Variants in TBC1D1 observed in about 807,000 individuals in gnomAD.
TBC1D1 encodes the protein TBC1 domain family member 1.
TBC1D1 carries 89 observed loss-of-function variants against 125.6 expected under a neutral mutation model. The ratio of observed to expected loss-of-function variants is 0.71; its 90% CI spans 0.60 to 0.85. TBC1D1 has a LOEUF of 0.85. Ranked by LOEUF, TBC1D1 falls within the 40% of genes least tolerant of loss-of-function variation. The pLI is 0.00. For synonymous variants in TBC1D1, 565 were observed against 564.1 expected (o/e 1.00, Z -0.02); for missense variants, 1,377 against 1,469.2 (o/e 0.94, Z 1.03).
intron 2 of TBC1D1, among the ~76,000 whole-genome samples, chr4:37,985,313 T>C (rs778039873): frequency 4.6e-5 from 7 of 152,230 alleles, no homozygotes; most frequent in Non-Finnish European, 8.8e-5. Flanking sequence ...TTAAAATTTC[T>C]ATGATTTCTG....
At position 38,014,753 on chromosome 4, in the gene TBC1D1, C is replaced by G. The variant is rs372198887; in HGVS notation, c.662C>G (p.Pro221Arg). Residue 221 changes from proline (P) to arginine (R), a missense_variant, in exon 3 of 20, where the codon CCC (proline) becomes CGC (arginine). This residue lies in a region of TBC1D1 where 822 missense variants were observed against 824.6 expected (regional missense o/e 1.00). Transcript: ENST00000261439. The surrounding 1 kb of genome is among the most constrained non-coding windows in gnomAD (Gnocchi z 5.1). ...CGCCCCAACCCGCCCCATGCCGCGC[C>G]CACAGGGAGCCAGGAGCCTGTGCGC... 48 of 1,611,376 alleles carry G rather than the reference C, an allele frequency of 3.0e-5. No homozygotes were observed. Among genetic ancestry groups the G allele is most frequent in the Non-Finnish European group, 3.6e-5 (43 of 1,179,188 alleles).
chr4:38,077,981 A>G (rs1755889790), intron 12 of TBC1D1, among the ~76,000 whole-genome samples: 1 of 152,136 alleles, frequency 6.6e-6, no homozygotes, highest in Non-Finnish European at 1.5e-5. Flanking sequence ...GCGGGATGAA[A>G]GCAGACCAGA....
intron 2 of TBC1D1, chr4:37,960,518 T>C: frequency 6.2e-7 from 1 of 1,614,208 alleles, no homozygotes; most frequent in Non-Finnish European, 8.5e-7. Context: ...AGCTGGAGTC[T>C]AGACCTTCAA....
At chr4:37,923,584 C>T (rs1251736864) in intron 2 of TBC1D1, among the ~76,000 whole-genome samples, 1 of 152,084 alleles carries the variant, frequency 6.6e-6, no homozygotes, top group Non-Finnish European at 1.5e-5. Context: ...CAATGAAGTC[C>T]ACATGTATGT....
At chr4:37,991,849 A>G (rs910201357) in intron 2 of TBC1D1, among the ~76,000 whole-genome samples, 7 of 152,208 alleles carry the variant, frequency 4.6e-5, no homozygotes, top group African/African-American at 1.7e-4. Flanking sequence ...CCGAAAGTGA[A>G]TAAGGTGAGT....
At position 38,118,168 on chromosome 4, in the gene TBC1D1, C is replaced by T; in HGVS notation, c.2938C>T (p.Leu980=). ...CACCATGTTTGCCTCACAGTTCCCG[C>T]TGGGATTCGTAGCCAGAGTCTTTGG... is the stretch of plus-strand genomic sequence containing the variant. The change falls in exon 17 of 20, where the codon CTG becomes TTG. Residue 980 remains leucine, a synonymous_variant. Transcript: ENST00000261439. 1 of 1,614,232 alleles carries T rather than the reference C, an allele frequency of 6.2e-7. No homozygotes were observed. The highest frequency in any genetic ancestry group is 8.5e-7 in the Non-Finnish European group (1 of 1,180,050).
intron 2 of TBC1D1, among the ~76,000 whole-genome samples, chr4:37,978,718 GACTTTCA>G (rs766442893): frequency 4.7e-4 from 72 of 152,258 alleles, no homozygotes; most frequent in Non-Finnish European, 7.5e-4. Flanking sequence ...AAAATGAGAT[GACTTTCA>G]AAAACGTTTT....
At chr4:37,973,518 T>C (rs1390894492) in intron 2 of TBC1D1, among the ~76,000 whole-genome samples, 3 of 152,228 alleles carry the variant, frequency 2.0e-5, no homozygotes, top group Admixed American at 2.0e-4. Context: ...CCTTAGTCAA[T>C]TCTGGGTTCT....
At chr4:37,989,305 T>G (rs1736077383) in intron 2 of TBC1D1, among the ~76,000 whole-genome samples, 1 of 152,212 alleles carries the variant, frequency 6.6e-6, no homozygotes, top group African/African-American at 2.4e-5. Flanking sequence ...TAATAACGCT[T>G]TCAACTAATT....
At chr4:38,090,317 TATTC>T (rs1424472771) in intron 13 of TBC1D1, among the ~76,000 whole-genome samples, 200 bp downstream of exon 15, 1 of 152,242 alleles carries the variant, frequency 6.6e-6, no homozygotes, top group Non-Finnish European at 1.5e-5. Flanking sequence ...TCACCAACAA[TATTC>T]ATTATTCCTC....
At chr4:38,017,678 G>A (rs1335019155) in intron 3 of TBC1D1, among the ~76,000 whole-genome samples, 1 of 152,170 alleles carries the variant, frequency 6.6e-6, no homozygotes, top group Non-Finnish European at 1.5e-5. Flanking sequence ...CTGACTTCTT[G>A]GTCCTGAGGA....
intron 12 of TBC1D1, among the ~76,000 whole-genome samples, chr4:38,058,698 T>C (rs79631765): frequency 0.044 from 6,731 of 152,340 alleles, 196 homozygotes; most frequent in South Asian, 0.082. Flanking sequence ...GGGATGTTTA[T>C]ACAGTTCCAT....
intron 2 of TBC1D1, among the ~76,000 whole-genome samples, chr4:38,004,472 T>TA (rs1371667939): frequency 6.6e-6 from 1 of 152,198 alleles, no homozygotes; most frequent in Non-Finnish European, 1.5e-5. Context: ...TTGAGCAGAG[T>TA]GCCTGATGGA....
chr4:38,040,250 C>G (rs976930375), intron 8 of TBC1D1, among the ~76,000 whole-genome samples: 1 of 152,124 alleles, frequency 6.6e-6, no homozygotes, highest in East Asian at 1.9e-4. Flanking sequence ...CTAACTGATG[C>G]TGCTTGCTTT....
At chr4:38,007,014 A>T (rs1205157492) in intron 2 of TBC1D1, 2 of 412,764 alleles carry the variant, frequency 4.8e-6, no homozygotes, top group Non-Finnish European at 9.7e-6. Context: ...CACCATTTTC[A>T]TAGACTTGGA....
chr4:38,046,012 C>G (rs1264212785), intron 10 of TBC1D1, 109 bp downstream of exon 10: 6 of 960,262 alleles, frequency 6.2e-6, no homozygotes, highest in Non-Finnish European at 8.3e-6. Context: ...TTGCAAATTT[C>G]TTGGCACAGG....
At chr4:37,961,020 T>C (rs757221811) in intron 2 of TBC1D1, 1 of 1,613,946 alleles carries the variant, frequency 6.2e-7, no homozygotes, top group East Asian at 2.2e-5. Context: ...AATTGCCAGC[T>C]GTTTGCTATG....
chr4:38,009,790 T>G (rs1402043168), intron 2 of TBC1D1, among the ~76,000 whole-genome samples: 3 of 152,174 alleles, frequency 2.0e-5, no homozygotes, highest in Non-Finnish European at 4.4e-5. Flanking sequence ...CTCAAATAGG[T>G]TGGCAGAAGA....
chr4:37,957,829 T>C (rs1222963076), intron 2 of TBC1D1, among the ~76,000 whole-genome samples: 1 of 152,178 alleles, frequency 6.6e-6, no homozygotes, highest in Admixed American at 6.5e-5. Context: ...TACATATCAT[T>C]TTCCTCCCTC....
Sources: gnomAD v4.1 joint callset for allele counts (sites outside exome capture counted in the v4.1 genomes callset) on GRCh38, gnomAD v4.1.1 for gene constraint, gnomAD v4.1.1 regional missense constraint, Gnocchi (gnomAD v3.1) non-coding constraint, MANE v1.5 for transcripts, NCBI Gene and HGNC (gene_info 2026-07-23, HGNC 2026-07-21) for gene names.